Variants in CSTPP1 observed in about 807,000 individuals in gnomAD.
CSTPP1 encodes the protein UPF0705 protein C11orf49.
the CSTPP1 span, chr11:47,155,212 G>A: frequency 1.2e-6 from 2 of 1,613,644 alleles, no homozygotes; most frequent in African/African-American, 1.3e-5. Flanking sequence ...ACTGCTTGAT[G>A]TCTTTTTCAG....
chr11:47,133,489 G>A, the CSTPP1 span, among the ~76,000 whole-genome samples: 1 of 152,226 alleles, frequency 6.6e-6, no homozygotes, highest in African/African-American at 2.4e-5. Flanking sequence ...GCTGGCAGGT[G>A]GGTGGGGATG....
At chr11:46,955,852 C>T in the CSTPP1 span, among the ~76,000 whole-genome samples, 3 of 151,764 alleles carry the variant, frequency 2.0e-5, no homozygotes, top group Non-Finnish European at 4.4e-5. Context: ...ATTAGCTGGG[C>T]GCGGCGGGTG....
the CSTPP1 span, among the ~76,000 whole-genome samples, chr11:46,950,192 G>A: frequency 1.2e-5 from 1 of 86,936 alleles, no homozygotes; most frequent in Non-Finnish European, 2.1e-5. Flanking sequence ...TTTTTTTTTT[G>A]AGATGGAGTC....
the CSTPP1 span, among the ~76,000 whole-genome samples, chr11:47,090,765 C>T: frequency 6.6e-6 from 1 of 152,134 alleles, no homozygotes; most frequent in Admixed American, 6.5e-5. Flanking sequence ...GAGGGCCGGG[C>T]ACGGAGGCTC....
the CSTPP1 span, among the ~76,000 whole-genome samples, chr11:47,121,758 A>G: frequency 6.6e-6 from 1 of 152,092 alleles, no homozygotes; most frequent in South Asian, 2.1e-4. Flanking sequence ...AGGCTGTAGA[A>G]AGGAAGGAAA....
chr11:47,036,980 C>T, the CSTPP1 span, among the ~76,000 whole-genome samples: 2 of 127,248 alleles, frequency 1.6e-5, no homozygotes, highest in African/African-American at 5.0e-5. Flanking sequence ...CACGCCCAGC[C>T]TATTCTTTAC....
the CSTPP1 span, among the ~76,000 whole-genome samples, chr11:47,106,513 C>T: frequency 2.6e-5 from 4 of 151,950 alleles, no homozygotes; most frequent in Non-Finnish European, 1.5e-5. Context: ...CGTGGTGACA[C>T]GCACCTGTAG....
At chr11:46,943,835 A>ATTGGTCTCAATGACATT in the CSTPP1 span, among the ~76,000 whole-genome samples, 1 of 151,952 alleles carries the variant, frequency 6.6e-6, no homozygotes, top group South Asian at 2.1e-4. Flanking sequence ...CCAATGGGAC[A>ATTGGTCTCAATGACATT]TAGTGAGACT....
At chr11:47,004,158 TTGTTTTTGTTTTTG>T in the CSTPP1 span, among the ~76,000 whole-genome samples, 1 of 151,502 alleles carries the variant, frequency 6.6e-6, no homozygotes, top group Non-Finnish European at 1.5e-5. Context: ...TGTTACTGGT[TTGTTTTTGTTTTTG>T]TTTTTTTGTT....
chr11:46,987,213 C>T, the CSTPP1 span: 18 of 1,613,788 alleles, frequency 1.1e-5, no homozygotes, highest in Admixed American at 1.3e-4. Flanking sequence ...TGCAGCTCAG[C>T]GACATGTCCT....
At chr11:47,031,149 AG>A in the CSTPP1 span, among the ~76,000 whole-genome samples, 6 of 152,232 alleles carry the variant, frequency 3.9e-5, no homozygotes, top group African/African-American at 1.2e-4. Flanking sequence ...GCCAAAATTA[AG>A]ATGTTTATGT....
At chr11:46,956,226 G>A in the CSTPP1 span, among the ~76,000 whole-genome samples, 1 of 152,108 alleles carries the variant, frequency 6.6e-6, no homozygotes, top group Non-Finnish European at 1.5e-5. Flanking sequence ...TGGTCTAATA[G>A]GTAATAGGGG....
At chr11:46,943,769 T>A in the CSTPP1 span, among the ~76,000 whole-genome samples, 1 of 152,160 alleles carries the variant, frequency 6.6e-6, no homozygotes. Context: ...ACGCCTATAT[T>A]CCCAGCACTG....
At chr11:47,003,872 CATTGT>C in the CSTPP1 span, among the ~76,000 whole-genome samples, 1 of 152,194 alleles carries the variant, frequency 6.6e-6, no homozygotes, top group African/African-American at 2.4e-5. Context: ...TTGTTGATGT[CATTGT>C]ATTGTAATTT....
At chr11:46,973,577 G>A in the CSTPP1 span, among the ~76,000 whole-genome samples, 1 of 152,140 alleles carries the variant, frequency 6.6e-6, no homozygotes, top group Non-Finnish European at 1.5e-5. Flanking sequence ...GAGGACTGAA[G>A]GAACTCCTTT....
the CSTPP1 span, among the ~76,000 whole-genome samples, chr11:46,940,750 G>C: frequency 6.6e-6 from 1 of 152,066 alleles, no homozygotes; most frequent in Non-Finnish European, 1.5e-5. Flanking sequence ...AGACAATTTT[G>C]TATCTAATGA....
chr11:47,158,258 A>G, the CSTPP1 span, among the ~76,000 whole-genome samples: 1 of 152,162 alleles, frequency 6.6e-6, no homozygotes, highest in Non-Finnish European at 1.5e-5. Flanking sequence ...TTACTCAGTG[A>G]CGCTAGAGAT....
At chr11:47,105,114 T>C in the CSTPP1 span, among the ~76,000 whole-genome samples, 5 of 152,210 alleles carry the variant, frequency 3.3e-5, no homozygotes, top group South Asian at 1.0e-3. Context: ...CCCAGCTTGG[T>C]AAGGAATGAA....
At chr11:47,083,364 T>C in the CSTPP1 span, among the ~76,000 whole-genome samples, 1 of 152,236 alleles carries the variant, frequency 6.6e-6, no homozygotes, top group Non-Finnish European at 1.5e-5. Flanking sequence ...TTGATAGACA[T>C]TGGATTGTTT....
Sources: allele counts gnomAD v4.1 joint callset (sites outside exome capture counted in the v4.1 genomes callset), GRCh38; gene constraint gnomAD v4.1.1; transcripts MANE v1.5; gene names NCBI Gene and HGNC (gene_info 2026-07-23, HGNC 2026-07-21).